The following XPO1 variants were observed in gnomAD, a reference collection of about 807,000 sequenced individuals.
XPO1 encodes exportin 1, also known as exportin-1.
In XPO1, 5 loss-of-function variants were observed where a neutral mutation model predicts 133.3. The ratio of observed to expected loss-of-function variants is 0.04; its 90% CI spans 0.02 to 0.08. The LOEUF is 0.08. XPO1 is among the 10% of genes least tolerant of loss of function. The pLI is 1.00. For synonymous variants in XPO1, 419 were observed against 408.2 expected (o/e 1.03, Z -0.32); for missense variants, 506 against 1,267.5 (o/e 0.40, Z 9.12).
chr2:61,499,110 C>T (rs1697380382), intron 7 of XPO1, among the ~76,000 whole-genome samples, 197 bp from the exon 8 acceptor site: 1 of 152,154 alleles, frequency 6.6e-6, no homozygotes, highest in Non-Finnish European at 1.5e-5. Context: ...TTCCTAATGA[C>T]TACAACAAAT....
intron 17 of XPO1, 37 bp from the exon 18 acceptor site, chr2:61,488,808 A>G: frequency 6.2e-7 from 1 of 1,605,572 alleles, no homozygotes; most frequent in Non-Finnish European, 8.5e-7. Context: ...TTATCATATA[A>G]GAATTATCCA....
Position 61,498,895 on chromosome 2 carries a change from T to G in XPO1, c.609A>C (p.Ser203=), listed in dbSNP as rs768449034. ...HLKDSMCNEF[S]QIFQLCQFVM... ...CAAACTGACACAGTTGAAATATCTG[T>G]GAGAATTCATTGCACATGCTAAAAA... Residue 203 remains serine (S), a synonymous_variant, in exon 8 of 25, where the codon TCA becomes TCC. Transcript: ENST00000401558. 1.3e-6 allele frequency: 2 copies of G among 1,594,248 alleles called. No individual in the cohort carries two copies. Among genetic ancestry groups the G allele is most frequent in the Non-Finnish European group, 1.7e-6 (2 of 1,172,076 alleles).
At chr2:61,510,287 A>C (rs539703882) in intron 4 of XPO1, among the ~76,000 whole-genome samples, 1 of 152,182 alleles carries the variant, frequency 6.6e-6, no homozygotes, top group East Asian at 1.9e-4. Flanking sequence ...TCAAAACAAA[A>C]CAAAAAAACA....
intron 4 of XPO1, among the ~76,000 whole-genome samples, chr2:61,514,479 G>GT (rs1698258290): frequency 6.6e-6 from 1 of 151,588 alleles, no homozygotes; most frequent in Non-Finnish European, 1.5e-5. Flanking sequence ...TGTAGTCTCA[G>GT]CTACTCAGGA....
At chr2:61,500,914 A>C (rs1235940580) in intron 6 of XPO1, among the ~76,000 whole-genome samples, 1 of 152,222 alleles carries the variant, frequency 6.6e-6, no homozygotes, top group African/African-American at 2.4e-5. Context: ...CTTGAAATGT[A>C]GTAGGGTTTG....
intron 12 of XPO1, 113 bp downstream of exon 12, chr2:61,493,781 T>C (rs1440474222): frequency 2.6e-6 from 3 of 1,143,262 alleles, no homozygotes; most frequent in Non-Finnish European, 3.8e-6. Flanking sequence ...ATGGAGAAGT[T>C]GTTGGGTTCT....
intron 17 of XPO1, among the ~76,000 whole-genome samples, chr2:61,490,217 G>C (rs1005450336): frequency 1.2e-5 from 1 of 80,326 alleles, no homozygotes; most frequent in Admixed American, 1.3e-4. Flanking sequence ...TTTTTTTTTT[G>C]AGACAGAGTC....
At chr2:61,496,691 C>T (rs1306480860) in intron 10 of XPO1, among the ~76,000 whole-genome samples, 188 bp downstream of exon 10, 1 of 152,052 alleles carries the variant, frequency 6.6e-6, no homozygotes, top group Non-Finnish European at 1.5e-5. Flanking sequence ...CACAACACAC[C>T]CCAAACCTGA....
At chr2:61,509,828 A>T (rs1004667692) in intron 4 of XPO1, among the ~76,000 whole-genome samples, 1 of 152,228 alleles carries the variant, frequency 6.6e-6, no homozygotes, top group Non-Finnish European at 1.5e-5. Context: ...TTAAAAATGT[A>T]AATTACAAAT....
At chr2:61,526,844 A>T (rs112298256) in intron 2 of XPO1, among the ~76,000 whole-genome samples, 1,656 of 151,006 alleles carry the variant, frequency 0.011, 31 homozygotes, top group African/African-American at 0.038. Context: ...AGTAGCTGGG[A>T]TTATAGGCAG....
rs539556835 is a variant in XPO1, at chr2:61,527,817, C to A, written c.127-1296G>T. 1.4e-4 allele frequency among the ~76,000 whole-genome samples: 21 copies of A among 152,174 alleles called. No individual in the cohort carries two copies. In the South Asian group the frequency reaches 3.1e-3, roughly 23 times the overall value. On this transcript the variant is annotated intron_variant, in intron 2 of 24. Transcript: ENST00000401558. ...ACCCAGAAATACTAATCTACGTAGT[C>A]ATCATCTTGTGCTTGTATCAGATTT...
chr2:61,520,209 G>T (rs1410656906), intron 4 of XPO1, among the ~76,000 whole-genome samples: 3 of 152,144 alleles, frequency 2.0e-5, no homozygotes. Flanking sequence ...TACAGAAAAA[G>T]GAAATAAAAT....
chr2:61,517,844 G>T (rs182588618), intron 4 of XPO1, among the ~76,000 whole-genome samples: 2 of 152,114 alleles, frequency 1.3e-5, no homozygotes, highest in African/African-American at 4.8e-5. Flanking sequence ...TCAAGGCTGA[G>T]GCAAGAGGGC....
chr2:61,479,385 G>A (rs1445238946), intron 24 of XPO1, among the ~76,000 whole-genome samples: 1 of 152,050 alleles, frequency 6.6e-6, no homozygotes, highest in Non-Finnish European at 1.5e-5. Flanking sequence ...CTGCATGGCG[G>A]AGGTTGCAGT....
intron 4 of XPO1, among the ~76,000 whole-genome samples, chr2:61,515,804 C>T (rs1698345221): frequency 1.3e-5 from 2 of 151,888 alleles, no homozygotes; most frequent in South Asian, 4.2e-4. Context: ...TCCAACCTGG[C>T]CGGGCACGGT....
At chr2:61,489,700 C>G (rs149132072) in intron 17 of XPO1, among the ~76,000 whole-genome samples, 1 of 150,642 alleles carries the variant, frequency 6.6e-6, no homozygotes, top group African/African-American at 2.4e-5. Context: ...GACTTACAGG[C>G]GCCCGCCGCC....
At chr2:61,502,198 A>AT (rs1340383055) in intron 5 of XPO1, 51 bp downstream of exon 5, 8 of 1,590,214 alleles carry the variant, frequency 5.0e-6, no homozygotes. Flanking sequence ...GTCAGACTCA[A>AT]TATCTAAATG....
intron 4 of XPO1, among the ~76,000 whole-genome samples, chr2:61,512,772 G>C (rs933657061): frequency 2.6e-5 from 4 of 152,188 alleles, no homozygotes; most frequent in Non-Finnish European, 4.4e-5. Context: ...GCTGGGTGCG[G>C]TAGCTCACAC....
Position 61,526,319 on chromosome 2 carries a change from A to T in XPO1, c.228+101T>A, listed in dbSNP as rs549488015. On this transcript the variant is annotated intron_variant, in intron 3 of 24. Transcript: ENST00000401558. ...TGAAACAAATTAACAATATAAAATA[A>T]TTTGAGATAACAAATGCTAATACTA... 86 of 1,467,068 alleles carry T rather than the reference A, an allele frequency of 5.9e-5. No homozygotes were observed. In the African/African-American group the frequency reaches 1.2e-3, roughly 20 times the overall value. 90.9% of individuals were successfully genotyped at this position (1,467,068 alleles called of 1,614,324 possible).
Sources: gnomAD v4.1 joint callset for allele counts (sites outside exome capture counted in the v4.1 genomes callset) on GRCh38, gnomAD v4.1.1 for gene constraint, MANE v1.5 for transcripts, NCBI Gene and HGNC (gene_info 2026-07-23, HGNC 2026-07-21) for gene names.